The following PDE1A variants were observed in gnomAD, a reference collection of about 807,000 sequenced individuals.
PDE1A encodes phosphodiesterase 1A.
In PDE1A, 35 loss-of-function variants were observed where a neutral mutation model predicts 61.7. The ratio of observed to expected loss-of-function variants is 0.57; its 90% CI spans 0.43 to 0.75. The LOEUF (loss-of-function observed/expected upper bound fraction) is 0.75. Among genes scored for constraint, PDE1A ranks in the 30% least tolerant of loss-of-function variants. The pLI, the probability that PDE1A is intolerant of heterozygous loss-of-function variation, is 0.00. For synonymous variants in PDE1A, 232 were observed against 213.2 expected, an observed-to-expected ratio of 1.09 and a Z score of -0.77; for missense variants, 597 against 630.6, an observed-to-expected ratio of 0.95 and a Z score of 0.57.
At chr2:182,159,202 A>T (rs1242444041) in intron 13 of PDE1A, among the ~76,000 whole-genome samples, 1 of 152,226 alleles carries the variant, frequency 6.6e-6, no homozygotes, top group Admixed American at 6.5e-5. Flanking sequence ...GGTTTACAGA[A>T]CCTTCTTTTT....
At chr2:182,349,913 T>G (rs900685142) in intron 1 of PDE1A, among the ~76,000 whole-genome samples, 1 of 152,164 alleles carries the variant, frequency 6.6e-6, no homozygotes, top group Admixed American at 6.5e-5. Context: ...TTTTTTAACT[T>G]TTTATTGACA....
chr2:182,152,325 G>A (rs979464280), intron 13 of PDE1A, among the ~76,000 whole-genome samples: 5 of 151,474 alleles, frequency 3.3e-5, no homozygotes, highest in African/African-American at 1.2e-4. Flanking sequence ...TGGTGTTTTG[G>A]CATCCATATA....
At chr2:182,574,094 T>C in the PDE1A span, among the ~76,000 whole-genome samples, 3 of 151,460 alleles carry the variant, frequency 2.0e-5, no homozygotes, top group Non-Finnish European at 4.4e-5. Context: ...GTCCCAAAGG[T>C]GAAGAACGTG....
chr2:182,317,791 A>G (rs1373985742), intron 1 of PDE1A, among the ~76,000 whole-genome samples: 1 of 152,126 alleles, frequency 6.6e-6, no homozygotes, highest in Non-Finnish European at 1.5e-5. Flanking sequence ...TCTGGGTGGG[A>G]AAATAAATAG....
chr2:182,464,833 G>A (rs1686546257), intron 2 of PDE1A, among the ~76,000 whole-genome samples: 1 of 152,042 alleles, frequency 6.6e-6, no homozygotes, highest in South Asian at 2.1e-4. Context: ...CCAGGGTGCT[G>A]AGACCACCAG....
At chr2:182,379,588 G>A (rs1700610079) in intron 1 of PDE1A, among the ~76,000 whole-genome samples, 1 of 152,142 alleles carries the variant, frequency 6.6e-6, no homozygotes, top group Non-Finnish European at 1.5e-5. Flanking sequence ...GATTTTGAAT[G>A]ACTAAATATT....
At chr2:182,586,802 G>A in the PDE1A span, among the ~76,000 whole-genome samples, 6 of 152,186 alleles carry the variant, frequency 3.9e-5, no homozygotes, top group East Asian at 1.9e-4. Context: ...TCATCCATTC[G>A]ATAAATGTTT....
At position 182,477,887 on chromosome 2, in the gene PDE1A, C is replaced by T. The variant is rs141173529; in HGVS notation, c.101+44389G>A. On this transcript the variant is annotated intron_variant, in intron 2 of 14. Coordinates refer to the PDE1A transcript ENST00000410103. ...ACAAAAACATCATTCAAGTGATGCA[C>T]GTCTCTTTTGTGGAGGACTGGGGGA... Among the ~76,000 whole-genome samples the T allele has an allele frequency of 1.4e-4, 21 of 151,972 alleles. No individual in the cohort carries two copies. In the East Asian group the frequency reaches 1.6e-3, roughly 11 times the overall value.
chr2:182,706,795 C>T, the PDE1A span, among the ~76,000 whole-genome samples: 7 of 152,116 alleles, frequency 4.6e-5, no homozygotes, highest in Non-Finnish European at 7.3e-5. Context: ...GTAGTAACAA[C>T]GGAGTATGAA....
chr2:182,641,661 T>C, the PDE1A span, among the ~76,000 whole-genome samples: 1 of 152,216 alleles, frequency 6.6e-6, no homozygotes, highest in East Asian at 1.9e-4. Context: ...CTTTCACATC[T>C]TCACATAATA....
chr2:182,613,219 A>C, the PDE1A span, among the ~76,000 whole-genome samples: 1 of 152,218 alleles, frequency 6.6e-6, no homozygotes, highest in African/African-American at 2.4e-5. Flanking sequence ...ATTGAAGAAC[A>C]ATTGTCAAGG....
chr2:182,545,341 C>G, the PDE1A span, among the ~76,000 whole-genome samples: 1 of 152,220 alleles, frequency 6.6e-6, no homozygotes, highest in Non-Finnish European at 1.5e-5. Flanking sequence ...TCCAGTGACA[C>G]ACTCAAGCAC....
chr2:182,350,425 A>G (rs976322438), intron 1 of PDE1A, among the ~76,000 whole-genome samples: 4 of 152,160 alleles, frequency 2.6e-5, no homozygotes, highest in African/African-American at 7.2e-5. Context: ...TAGCTATCGT[A>G]TCTTTATTTG....
At chr2:182,241,502 A>C (rs1173932001) in intron 2 of PDE1A, among the ~76,000 whole-genome samples, 2 of 152,224 alleles carry the variant, frequency 1.3e-5, no homozygotes, top group Non-Finnish European at 2.9e-5. Context: ...AACAAAGGAC[A>C]AAAAACAGGA....
At chr2:182,710,213 T>C in the PDE1A span, among the ~76,000 whole-genome samples, 2 of 152,214 alleles carry the variant, frequency 1.3e-5, no homozygotes, top group African/African-American at 4.8e-5. Flanking sequence ...CTTCTACATT[T>C]TTTAAATTTT....
chr2:182,436,865 C>T (rs546130885), intron 2 of PDE1A, among the ~76,000 whole-genome samples: 1 of 152,108 alleles, frequency 6.6e-6, no homozygotes, highest in South Asian at 2.1e-4. Context: ...CCTCTTTGTT[C>T]TTACTAACAT....
chr2:182,333,878 T>TA (rs1181213813), intron 1 of PDE1A, among the ~76,000 whole-genome samples: 1 of 151,890 alleles, frequency 6.6e-6, no homozygotes, highest in South Asian at 2.1e-4. Context: ...ACAGCCACAA[T>TA]AAAAAATTAT....
At chr2:182,264,219 T>C (rs1692436269) in intron 2 of PDE1A, 82 bp downstream of exon 2, 1 of 870,108 alleles carries the variant, frequency 1.1e-6, no homozygotes, top group Non-Finnish European at 1.8e-6. Context: ...AAATTCCTGT[T>C]TGAGATAAAG....
chr2:182,391,747 C>T (rs1374805688), intron 1 of PDE1A, among the ~76,000 whole-genome samples: 1 of 152,150 alleles, frequency 6.6e-6, no homozygotes, highest in Non-Finnish European at 1.5e-5. Context: ...CCATAATGAA[C>T]AGCAGAGGCA....
Sources: allele counts gnomAD v4.1 joint callset (sites outside exome capture counted in the v4.1 genomes callset), GRCh38; gene constraint gnomAD v4.1.1; transcripts MANE v1.5; gene names NCBI Gene and HGNC (gene_info 2026-07-23, HGNC 2026-07-21).